ABCC9: variants seen among roughly 807,000 people sequenced by gnomAD.
ABCC9 encodes the protein ATP-binding cassette sub-family C member 9.
Under a neutral mutation model 188.3 loss-of-function variants are expected in ABCC9, and 95 were observed. That is an observed-to-expected ratio of 0.50 (90% confidence interval 0.43 to 0.60). The LOEUF is 0.60. ABCC9 is among the 20% of genes least tolerant of loss of function. The pLI is 0.00. For missense variants in ABCC9, 1,102 were observed against 1,876.3 expected, an observed-to-expected ratio of 0.59 and a Z score of 7.62; for synonymous variants, 659 against 652.7, an observed-to-expected ratio of 1.01 and a Z score of -0.15.
At chr12:21,851,737 C>T (rs111639992) in intron 24 of ABCC9, among the ~76,000 whole-genome samples, 1 of 151,948 alleles carries the variant, frequency 6.6e-6, no homozygotes, top group Admixed American at 6.6e-5. Flanking sequence ...TGAAAATATT[C>T]TACTTTTATA....
chr12:21,916,878 A>G, intron 6 of ABCC9, 59 bp downstream of exon 6: 1 of 1,472,354 alleles, frequency 6.8e-7, no homozygotes, highest in South Asian at 1.4e-5. Flanking sequence ...AGCTAACTGT[A>G]ATCTTTCATA....
intron 4 of ABCC9, among the ~76,000 whole-genome samples, chr12:21,928,360 GAA>G (rs1284924319): frequency 7.0e-6 from 1 of 142,582 alleles, no homozygotes; most frequent in Non-Finnish European, 1.5e-5. Flanking sequence ...GAGAAAGAAA[GAA>G]AGAAAAAGAA....
intron 15 of ABCC9, among the ~76,000 whole-genome samples, chr12:21,883,949 C>T (rs1946754709): frequency 6.6e-6 from 1 of 152,062 alleles, no homozygotes; most frequent in South Asian, 2.1e-4. Context: ...TTCAGTTTCA[C>T]ACAGAGATAA....
intron 12 of ABCC9, among the ~76,000 whole-genome samples, chr12:21,900,795 G>A (rs181727074): frequency 4.0e-3 from 614 of 152,246 alleles, no homozygotes; most frequent in Non-Finnish European, 6.3e-3. Flanking sequence ...CAAGAAATAT[G>A]GGACTATATG....
At chr12:21,804,058 C>T (rs1941668275) in intron 39 of ABCC9, among the ~76,000 whole-genome samples, 1 of 152,052 alleles carries the variant, frequency 6.6e-6, no homozygotes, top group Admixed American at 6.6e-5. Context: ...AGGAGTTGGT[C>T]CTCTAAAAAA....
chr12:21,897,014 T>C (rs1226056391), intron 12 of ABCC9, among the ~76,000 whole-genome samples: 1 of 152,230 alleles, frequency 6.6e-6, no homozygotes, highest in Non-Finnish European at 1.5e-5. Context: ...TCCACAATGG[T>C]TGAACTAATT....
intron 31 of ABCC9, among the ~76,000 whole-genome samples, chr12:21,820,077 A>G (rs74070306): frequency 0.019 from 2,825 of 152,282 alleles, 82 homozygotes; most frequent in African/African-American, 0.065. Flanking sequence ...TTACAGCAAT[A>G]TGAATTTTTT....
chr12:21,894,284 C>T, intron 13 of ABCC9, 110 bp from the exon 14 acceptor site: 18 of 1,243,278 alleles, frequency 1.4e-5, no homozygotes, highest in Non-Finnish European at 1.8e-5. Context: ...TCCATTGTAA[C>T]TATGATAACA....
chr12:21,801,886 G>T (rs1333439435), intron 39 of ABCC9, among the ~76,000 whole-genome samples: 1 of 152,136 alleles, frequency 6.6e-6, no homozygotes, highest in Non-Finnish European at 1.5e-5. Context: ...CCACTTTATA[G>T]GGGAGACCAT....
At chr12:21,935,728 ATTC>A (rs774995520) in intron 3 of ABCC9, among the ~76,000 whole-genome samples, 2 of 152,068 alleles carry the variant, frequency 1.3e-5, no homozygotes, top group Non-Finnish European at 2.9e-5. Flanking sequence ...AGGTCCTTTC[ATTC>A]TTATTTCTAT....
Position 21,894,043 on chromosome 12 carries a change from T to G in ABCC9, c.1791A>C (p.Lys597Asn). 1 of 1,614,038 alleles carries G rather than the reference T, an allele frequency of 6.2e-7. No individual in the cohort carries two copies. The highest frequency in any genetic ancestry group is 8.5e-7 in the Non-Finnish European group (1 of 1,180,002). The change falls in exon 14 of 40, where the codon AAA becomes AAC. Residue 597 changes from lysine to asparagine, a missense_variant. Physicochemically the swap from Lys to Asn is moderately conservative, Grantham distance 94. This residue lies in a region of ABCC9 where 258 missense variants were observed against 325.6 expected (regional missense o/e 0.79). Transcript: ENST00000261200. ...ACTTCAGTGCATACCTTATGATGGC[T>G]TTGACTGCAAATCTGACCACCGTGG... The part of the protein sequence containing the change: ...LLSTVVRFAV[K>N]AIISVQKLNE...
chr12:21,825,642 C>T (rs553718705), intron 31 of ABCC9, among the ~76,000 whole-genome samples: 54 of 83,956 alleles, frequency 6.4e-4, no homozygotes, highest in Middle Eastern at 0.011. Context: ...GGGATCTGTC[C>T]GGGGGTGGGG....
chr12:21,810,332 T>C lies in ABCC9; in HGVS notation c.4212-377A>G, dbSNP rs74069171. Among the ~76,000 whole-genome samples the C allele has an allele frequency of 1.9e-3, 283 of 152,304 alleles. 1 individual carries two copies. The highest frequency in any genetic ancestry group is 6.4e-3 in the African/African-American group (264 of 41,574). On this transcript the variant is annotated intron_variant, in intron 36 of 39. Coordinates refer to ENST00000261200, the MANE Select transcript of ABCC9 (RefSeq NM_020297.4). The stretch of plus-strand genomic sequence containing the variant: ...ACATCTCTATGGGAGCATATTACAC[T>C]ATTTTAGATCAGCTGTGCTGCCATC...
intron 22 of ABCC9, 114 bp downstream of exon 22, chr12:21,859,472 G>C: frequency 1.9e-6 from 2 of 1,038,812 alleles, no homozygotes; most frequent in East Asian, 4.7e-5. Flanking sequence ...TATACTTTAC[G>C]ATTTCACAAG....
chr12:21,806,673 A>G (rs1941869997), intron 38 of ABCC9, among the ~76,000 whole-genome samples: 1 of 152,154 alleles, frequency 6.6e-6, no homozygotes, highest in Non-Finnish European at 1.5e-5. Flanking sequence ...TTACCGTTAT[A>G]ATAACCCTCA....
chr12:21,822,909 G>T (rs1248355351), intron 31 of ABCC9, among the ~76,000 whole-genome samples: 1 of 151,226 alleles, frequency 6.6e-6, no homozygotes, highest in African/African-American at 2.4e-5. Flanking sequence ...CCATTCCTTT[G>T]CAAATACGTG....
intron 24 of ABCC9, among the ~76,000 whole-genome samples, 160 bp from the exon 25 acceptor site, chr12:21,848,406 G>A (rs1944794210): frequency 6.6e-6 from 1 of 152,084 alleles, no homozygotes; most frequent in South Asian, 2.1e-4. Context: ...AAACAGCTGT[G>A]GGGGCAGAAC....
At chr12:21,907,024 G>A (rs1432016883) in intron 11 of ABCC9, among the ~76,000 whole-genome samples, 1 of 152,034 alleles carries the variant, frequency 6.6e-6, no homozygotes, top group Admixed American at 6.6e-5. Flanking sequence ...ATCAAAAGGG[G>A]CAGTAGAGTG....
At chr12:21,875,798 T>C in intron 16 of ABCC9, 72 bp from the exon 17 acceptor site, 1 of 1,324,882 alleles carries the variant, frequency 7.5e-7, no homozygotes, top group Non-Finnish European at 1.1e-6. Flanking sequence ...AAATAATAAT[T>C]TGTAGGCCAG....
Sources: gnomAD v4.1 joint callset for allele counts (sites outside exome capture counted in the v4.1 genomes callset) on GRCh38, gnomAD v4.1.1 for gene constraint, gnomAD v4.1.1 regional missense constraint, MANE v1.5 for transcripts, NCBI Gene and HGNC (gene_info 2026-07-23, HGNC 2026-07-21) for gene names.